Variants in EXOC4 observed in about 807,000 individuals in gnomAD.
EXOC4 encodes exocyst complex component 4, also known as SEC8-like 1.
In EXOC4, 71 loss-of-function variants were observed where a neutral mutation model predicts 107.2. The observed-to-expected ratio is 0.66, with a 90% CI of 0.55 to 0.81. EXOC4 has a LOEUF of 0.81. Ranked by LOEUF, EXOC4 falls within the 30% of genes least tolerant of loss-of-function variation. The pLI is 0.00. For missense variants in EXOC4, 1,108 were observed against 1,189.6 expected (o/e 0.93, Z 1.01); for synonymous variants, 456 against 441.2 (o/e 1.03, Z -0.42).
intron 5 of EXOC4, among the ~76,000 whole-genome samples, chr7:133,329,557 A>G (rs1795330424): frequency 6.6e-6 from 1 of 152,116 alleles, no homozygotes; most frequent in Admixed American, 6.5e-5. Context: ...ATCTTCGTGG[A>G]TTTATCTACC....
At chr7:133,328,468 T>C (rs1358109252) in intron 5 of EXOC4, among the ~76,000 whole-genome samples, 1 of 152,192 alleles carries the variant, frequency 6.6e-6, no homozygotes, top group Non-Finnish European at 1.5e-5. Flanking sequence ...GATCCTGTCA[T>C]TAGTATGCTA....
At chr7:133,713,369 A>AT (rs926756753) in intron 10 of EXOC4, among the ~76,000 whole-genome samples, 10 of 151,416 alleles carry the variant, frequency 6.6e-5, no homozygotes, top group East Asian at 3.9e-4. Context: ...CTTACCAATT[A>AT]TTTTTTTTTC....
intron 7 of EXOC4, among the ~76,000 whole-genome samples, chr7:133,459,763 CTG>C (rs1277644616): frequency 6.6e-6 from 1 of 152,062 alleles, no homozygotes; most frequent in Admixed American, 6.6e-5. Context: ...ATGCAGGACA[CTG>C]TGCTTATTAG....
intron 17 of EXOC4, among the ~76,000 whole-genome samples, chr7:134,032,509 T>G (rs1019470672): frequency 1.7e-4 from 26 of 152,242 alleles, no homozygotes; most frequent in Middle Eastern, 6.8e-3. Flanking sequence ...ATCTGACACC[T>G]CTTACTGCCA....
intron 12 of EXOC4, among the ~76,000 whole-genome samples, chr7:133,915,312 A>G (rs986212024): frequency 1.3e-5 from 2 of 151,982 alleles, no homozygotes; most frequent in African/African-American, 2.4e-5. Context: ...GGAAAGAGTA[A>G]AAATACAGGA....
intron 7 of EXOC4, among the ~76,000 whole-genome samples, chr7:133,385,660 C>T (rs1024302606): frequency 3.3e-5 from 5 of 152,112 alleles, no homozygotes; most frequent in African/African-American, 9.7e-5. Context: ...TACAGTTTGT[C>T]GTATTGCTCC....
intron 10 of EXOC4, among the ~76,000 whole-genome samples, chr7:133,705,024 AC>A (rs1794739612): frequency 6.6e-6 from 1 of 152,176 alleles, no homozygotes; most frequent in Non-Finnish European, 1.5e-5. Flanking sequence ...AAGAACTTTT[AC>A]CTTTTCACTT....
At chr7:133,519,921 A>T (rs1584974037) in intron 9 of EXOC4, among the ~76,000 whole-genome samples, 1 of 152,318 alleles carries the variant, frequency 6.6e-6, no homozygotes, top group East Asian at 1.9e-4. Flanking sequence ...CTCACAGATA[A>T]TGTGTGGTTT....
At chr7:133,591,529 T>G (rs1197480554) in intron 9 of EXOC4, among the ~76,000 whole-genome samples, 2 of 148,744 alleles carry the variant, frequency 1.3e-5, no homozygotes, top group African/African-American at 5.0e-5. Context: ...GCATTTTCTG[T>G]GAACTTTTTA....
chr7:133,368,562 G>T (rs1216277809), intron 6 of EXOC4, among the ~76,000 whole-genome samples: 1 of 151,902 alleles, frequency 6.6e-6, no homozygotes. Flanking sequence ...ATATATTTTT[G>T]TATGTAGCTC....
At chr7:134,047,723 A>G (rs969315020) in intron 17 of EXOC4, among the ~76,000 whole-genome samples, 4 of 152,074 alleles carry the variant, frequency 2.6e-5, no homozygotes, top group Non-Finnish European at 5.9e-5. Flanking sequence ...CCCTTTATTT[A>G]TCTGCCAAAT....
At chr7:133,975,339 A>C (rs1440862493) in intron 14 of EXOC4, among the ~76,000 whole-genome samples, 2 of 152,148 alleles carry the variant, frequency 1.3e-5, no homozygotes, top group African/African-American at 4.8e-5. Flanking sequence ...CCAAACTAGA[A>C]TACTAGATAA....
chr7:133,501,628 GA>G (rs1383968476), intron 9 of EXOC4, among the ~76,000 whole-genome samples: 3 of 152,104 alleles, frequency 2.0e-5, no homozygotes, highest in Admixed American at 6.6e-5. Context: ...GTTTCTAGGG[GA>G]AAAAATGTCA....
chr7:133,618,593 A>T (rs1447024034), intron 9 of EXOC4, among the ~76,000 whole-genome samples: 1 of 152,200 alleles, frequency 6.6e-6, no homozygotes, highest in Non-Finnish European at 1.5e-5. Flanking sequence ...GGTGGTCGAC[A>T]TTGAATTTAC....
At position 133,476,579 on chromosome 7, in the gene EXOC4, C is replaced by T. The variant is rs370534332; in HGVS notation, c.1328+1106C>T. Among the ~76,000 whole-genome samples the T allele has an allele frequency of 1.2e-4, 18 of 152,206 alleles. No homozygotes were observed. In the East Asian group the frequency reaches 3.1e-3, roughly 26 times the overall value. On this transcript the variant is annotated intron_variant, in intron 8 of 17. Transcript: ENST00000253861. Reference sequence around the variant, plus strand: ...TTAGTGTTTTTAATAATTAAAGCTTCAACAGTTTATTTATTTTGTGATCTA... The same window carrying T: ...TTAGTGTTTTTAATAATTAAAGCTTTAACAGTTTATTTATTTTGTGATCTA...
rs373187134 is a variant in EXOC4, at chr7:133,913,837, A to G, written c.1872-3746A>G. On this transcript the variant is annotated intron_variant, in intron 12 of 17. Coordinates refer to ENST00000253861, the MANE Select transcript of EXOC4 (RefSeq NM_021807.4). ...GGTTCAAGCTGTGCAAGAAGATGAG[A>G]CTGCCCAAGTCAGCAATGCAGAATT... 5.3e-4 allele frequency among the ~76,000 whole-genome samples: 80 copies of G among 152,298 alleles called. 1 individual carries two copies. The South Asian group carries it at 0.014, about 26-fold the overall frequency.
chr7:133,925,638 G>A (rs1800033578), intron 13 of EXOC4, among the ~76,000 whole-genome samples: 1 of 152,130 alleles, frequency 6.6e-6, no homozygotes, highest in Non-Finnish European at 1.5e-5. Context: ...CAGTTCTCTG[G>A]AGCCTGGTTT....
rs190359296 is a variant in EXOC4 at position 133,901,070 on chromosome 7, A to T, written c.1871+5335A>T. Among the ~76,000 whole-genome samples the T allele has an allele frequency of 4.7e-3, 711 of 152,178 alleles. 8 individuals are homozygous for T. The highest frequency in any genetic ancestry group is 0.014 in the Middle Eastern group (4 of 294). ...GTTTTAGTAGAGATGGGGTTTCACCATGTTGGCCAGGCTGGTCTCAAACTC... is the reference window on the plus strand; with the variant it reads ...GTTTTAGTAGAGATGGGGTTTCACCTTGTTGGCCAGGCTGGTCTCAAACTC... On this transcript the variant is annotated intron_variant, in intron 12 of 17. Transcript: ENST00000253861.
chr7:133,340,298 G>C (rs1328389704), intron 5 of EXOC4, among the ~76,000 whole-genome samples: 1 of 151,990 alleles, frequency 6.6e-6, no homozygotes, highest in African/African-American at 2.4e-5. Context: ...TTCTGTTCAT[G>C]TGGTGTATCA....
Sources: allele counts gnomAD v4.1 joint callset (sites outside exome capture counted in the v4.1 genomes callset), GRCh38; gene constraint gnomAD v4.1.1; transcripts MANE v1.5; gene names NCBI Gene and HGNC (gene_info 2026-07-23, HGNC 2026-07-21).